CSGALNACT1: variants seen among roughly 807,000 people sequenced by gnomAD.
The protein encoded by CSGALNACT1 is chondroitin sulfate N-acetylgalactosaminyltransferase 1.
CSGALNACT1 carries 52 observed loss-of-function variants against 51.0 expected under a neutral mutation model. The observed-to-expected ratio is 1.02, with a 90% CI of 0.82 to 1.29. CSGALNACT1 has a LOEUF of 1.29. Among genes scored for constraint, CSGALNACT1 ranks in the 50% most tolerant of loss-of-function variants. CSGALNACT1 has a pLI of 0.00. For missense variants in CSGALNACT1, 935 were observed against 679.2 expected, an observed-to-expected ratio of 1.38 and a Z score of -4.19; for synonymous variants, 341 against 254.4, an observed-to-expected ratio of 1.34 and a Z score of -3.24.
chr8:19,549,656 C>CTTTT (rs542956513), intron 3 of CSGALNACT1, among the ~76,000 whole-genome samples: 2,407 of 83,160 alleles, frequency 0.029, 113 homozygotes, highest in African/African-American at 0.072. Context: ...CAATTTCCTA[C>CTTTT]TTTTTTTTTT....
chr8:19,609,187 T>A lies in CSGALNACT1; in HGVS notation c.-543-7322A>T, dbSNP rs368802143. 2.8e-4 allele frequency among the ~76,000 whole-genome samples: 43 copies of A among 151,658 alleles called. No homozygotes were observed. The East Asian group carries it at 6.6e-3, about 23-fold the overall frequency. On this transcript the variant is annotated intron_variant, in intron 1 of 9. Coordinates refer to the CSGALNACT1 transcript ENST00000332246. ...GGCTGATGGAAGGATGCTTTTTTTT[T>A]TATATTGAGATTGAGGGAGGCAAGA...
chr8:19,627,733 G>A (rs190224513), intron 1 of CSGALNACT1, among the ~76,000 whole-genome samples: 1 of 152,150 alleles, frequency 6.6e-6, no homozygotes. Flanking sequence ...GCTCAGGTGG[G>A]AGGATCACTT....
chr8:19,659,582 T>C (rs1248303879), intron 1 of CSGALNACT1, among the ~76,000 whole-genome samples: 5 of 152,266 alleles, frequency 3.3e-5, no homozygotes, highest in Non-Finnish European at 7.3e-5. Context: ...GAATTGAATC[T>C]GCCTGGATCA....
At chr8:19,481,819 C>G (rs1435019308) in intron 4 of CSGALNACT1, among the ~76,000 whole-genome samples, 2 of 152,190 alleles carry the variant, frequency 1.3e-5, no homozygotes, top group East Asian at 1.9e-4. Flanking sequence ...AAACATGTAT[C>G]AAACCCATCT....
intron 4 of CSGALNACT1, among the ~76,000 whole-genome samples, chr8:19,500,674 G>A (rs568819544): frequency 6.0e-4 from 91 of 152,332 alleles, no homozygotes; most frequent in African/African-American, 2.0e-3. Flanking sequence ...GGTGTTTGTT[G>A]AAGAGTACAG....
intron 1 of CSGALNACT1, among the ~76,000 whole-genome samples, chr8:19,693,131 T>C (rs1367682842): frequency 6.6e-6 from 1 of 152,106 alleles, no homozygotes; most frequent in East Asian, 1.9e-4. Context: ...GCAAACTACC[T>C]TTTCCAGGCT....
intron 3 of CSGALNACT1, among the ~76,000 whole-genome samples, chr8:19,514,510 T>TATATATATATAC (rs1422248108): frequency 1.2e-3 from 155 of 132,932 alleles, no homozygotes; most frequent in Non-Finnish European, 1.8e-3. Context: ...TATATATATA[T>TATATATATATAC]ACATGTATCT....
chr8:19,709,031 G>A (rs2062347770), intron 1 of CSGALNACT1, among the ~76,000 whole-genome samples: 1 of 152,164 alleles, frequency 6.6e-6, no homozygotes, highest in South Asian at 2.1e-4. Context: ...CCTTAAAGCT[G>A]ACTATTATCA....
At chr8:19,649,168 T>G (rs944934782) in intron 1 of CSGALNACT1, among the ~76,000 whole-genome samples, 17 of 152,230 alleles carry the variant, frequency 1.1e-4, no homozygotes, top group South Asian at 2.1e-4. Flanking sequence ...ATTCCCATTT[T>G]GCAGATGAGA....
intron 3 of CSGALNACT1, among the ~76,000 whole-genome samples, chr8:19,539,797 C>A (rs774069708): frequency 1.3e-5 from 2 of 152,172 alleles, no homozygotes; most frequent in Admixed American, 6.5e-5. Context: ...AGAGGCGATG[C>A]CCCTCCTACA....
At chr8:19,598,378 G>C (rs770087361) in intron 2 of CSGALNACT1, among the ~76,000 whole-genome samples, 2 of 152,160 alleles carry the variant, frequency 1.3e-5, no homozygotes, top group Non-Finnish European at 2.9e-5. Flanking sequence ...CTGATTAAAA[G>C]CTTACAGACT....
At chr8:19,496,313 G>T (rs2075440187) in intron 4 of CSGALNACT1, among the ~76,000 whole-genome samples, 1 of 152,162 alleles carries the variant, frequency 6.6e-6, no homozygotes, top group African/African-American at 2.4e-5. Context: ...ATATTCAAAA[G>T]TAAATCTTCT....
intron 3 of CSGALNACT1, among the ~76,000 whole-genome samples, chr8:19,549,328 G>C (rs4921660): frequency 0.15 from 23,415 of 152,012 alleles, 1,859 homozygotes; most frequent in African/African-American, 0.18. Flanking sequence ...ATGATGCACT[G>C]TCATTATAGT....
In CSGALNACT1 at chr8:19,611,981, C is replaced by T. The variant is rs142294298; in HGVS notation, c.-543-10116G>A. Reference sequence around the variant, plus strand: ...AACTAATTGATTAATTCTAAGACTCCATCCAGCTTTGTGATTCTGCTGGTC... The same window carrying T: ...AACTAATTGATTAATTCTAAGACTCTATCCAGCTTTGTGATTCTGCTGGTC... On this transcript the variant is annotated intron_variant, in intron 1 of 9. Coordinates refer to the CSGALNACT1 transcript ENST00000332246. 9.2e-5 allele frequency among the ~76,000 whole-genome samples: 14 copies of T among 152,136 alleles called. No homozygotes were observed. In the East Asian group the frequency reaches 2.5e-3, roughly 27 times the overall value.
At chr8:19,594,237 T>A (rs62494467) in intron 2 of CSGALNACT1, among the ~76,000 whole-genome samples, 17,665 of 152,092 alleles carry the variant, frequency 0.12, 1,420 homozygotes, top group East Asian at 0.25. Context: ...AAGAAACAGC[T>A]AGAGGTGTAT....
At chr8:19,600,501 TC>T (rs2050173432) in intron 2 of CSGALNACT1, among the ~76,000 whole-genome samples, 1 of 152,174 alleles carries the variant, frequency 6.6e-6, no homozygotes, top group African/African-American at 2.4e-5. Flanking sequence ...CAAGTAATTC[TC>T]AAAAACATTA....
At chr8:19,404,884 T>C (rs1268349717) in exon 10 of CSGALNACT1, 2 of 454,368 alleles carry the variant, frequency 4.4e-6, no homozygotes, top group Non-Finnish European at 8.8e-6. Context: ...GAAAATACTC[T>C]TCAGAGAAAG....
chr8:19,679,432 G>A (rs555985537), intron 1 of CSGALNACT1, among the ~76,000 whole-genome samples: 1 of 151,996 alleles, frequency 6.6e-6, no homozygotes, highest in South Asian at 2.1e-4. Flanking sequence ...ACTCCAGCCT[G>A]GGCAACAGAG....
chr8:19,477,109 T>G (rs1273881457), intron 4 of CSGALNACT1, among the ~76,000 whole-genome samples: 2 of 152,254 alleles, frequency 1.3e-5, no homozygotes, highest in East Asian at 3.8e-4. Flanking sequence ...AGTTTTGCTG[T>G]ATGTTCTCTG....
Sources: gnomAD v4.1 joint callset for allele counts (sites outside exome capture counted in the v4.1 genomes callset) on GRCh38, gnomAD v4.1.1 for gene constraint, MANE v1.5 for transcripts, NCBI Gene and HGNC (gene_info 2026-07-23, HGNC 2026-07-21) for gene names.